The following CD96 variants were observed in gnomAD, a reference collection of about 807,000 sequenced individuals.
The protein encoded by CD96 is T-cell surface protein tactile.
Under a neutral mutation model 71.3 loss-of-function variants are expected in CD96, and 70 were observed. The ratio of observed to expected loss-of-function variants is 0.98; its 90% CI spans 0.81 to 1.20. The LOEUF is 1.20. CD96 is among the 50% of genes most tolerant of loss of function. The probability of loss-of-function intolerance (pLI) is 0.00; values close to 1 mark genes in which losing one functional copy is unlikely to be tolerated. For synonymous variants in CD96, 248 were observed against 233.0 expected, an observed-to-expected ratio of 1.06 and a Z score of -0.59; for missense variants, 742 against 677.5, an observed-to-expected ratio of 1.10 and a Z score of -1.06.
At chr3:111,582,513 T>G (rs1291069659) in intron 4 of CD96, among the ~76,000 whole-genome samples, 1 of 152,172 alleles carries the variant, frequency 6.6e-6, no homozygotes, top group East Asian at 1.9e-4. Context: ...AAGAATCAAA[T>G]GTTTCTCTGC....
At chr3:111,547,532 A>G (rs1339271179) in intron 2 of CD96, among the ~76,000 whole-genome samples, 2 of 152,228 alleles carry the variant, frequency 1.3e-5, no homozygotes, top group Non-Finnish European at 1.5e-5. Flanking sequence ...AGGAAATAGA[A>G]TAAGTGATGC....
chr3:111,567,487 A>T (rs1312606721), intron 2 of CD96, 36 bp from the exon 3 acceptor site: 1 of 1,580,286 alleles, frequency 6.3e-7, no homozygotes, highest in East Asian at 2.2e-5. Context: ...AACCAATCAG[A>T]GATTCACATA....
At chr3:111,620,025 C>G (rs895963939) in intron 8 of CD96, among the ~76,000 whole-genome samples, 1 of 152,194 alleles carries the variant, frequency 6.6e-6, no homozygotes, top group Non-Finnish European at 1.5e-5. Flanking sequence ...CTGGAATGGA[C>G]AGGTGCCAGA....
intron 10 of CD96, among the ~76,000 whole-genome samples, chr3:111,627,449 C>T (rs112528213): frequency 6.6e-6 from 1 of 152,184 alleles, no homozygotes; most frequent in Non-Finnish European, 1.5e-5. Flanking sequence ...GAGGGTCCTC[C>T]CAGCCAGGGC....
chr3:111,635,451 A>G (rs1276721414), intron 10 of CD96, among the ~76,000 whole-genome samples: 5 of 152,240 alleles, frequency 3.3e-5, no homozygotes, highest in African/African-American at 1.2e-4. Context: ...GTAGAAGTCC[A>G]AAAAGAAGTT....
At chr3:111,648,458 G>C (rs1375641918) in intron 13 of CD96, among the ~76,000 whole-genome samples, 1 of 152,162 alleles carries the variant, frequency 6.6e-6, no homozygotes, top group Non-Finnish European at 1.5e-5. Context: ...CCAGTAGTTA[G>C]AAATTCTGGA....
intron 3 of CD96, among the ~76,000 whole-genome samples, chr3:111,572,480 C>T (rs1936029473): frequency 6.6e-6 from 1 of 152,166 alleles, no homozygotes; most frequent in Admixed American, 6.5e-5. Context: ...CACAAATATT[C>T]CAGCCAATCC....
intron 5 of CD96, chr3:111,594,338 C>CATT: frequency 3.6e-6 from 4 of 1,096,050 alleles, no homozygotes; most frequent in Non-Finnish European, 5.2e-6. Context: ...AAAGTCTGGC[C>CATT]ACACCTGGGT....
chr3:111,567,088 T>C (rs907632725), intron 2 of CD96, among the ~76,000 whole-genome samples: 2 of 152,126 alleles, frequency 1.3e-5, no homozygotes, highest in African/African-American at 2.4e-5. Flanking sequence ...GTAGTAGATA[T>C]ACTGGGAACT....
At chr3:111,613,030 G>T (rs887649887) in intron 8 of CD96, among the ~76,000 whole-genome samples, 1 of 151,850 alleles carries the variant, frequency 6.6e-6, no homozygotes, top group Non-Finnish European at 1.5e-5. Context: ...TCTGTTTATT[G>T]TATCTTTTTC....
chr3:111,636,766 A>G (rs1261152591), intron 10 of CD96, among the ~76,000 whole-genome samples: 1 of 152,226 alleles, frequency 6.6e-6, no homozygotes, highest in Non-Finnish European at 1.5e-5. Context: ...CCACAAGTAC[A>G]AAGTGTTTTC....
At chr3:111,549,152 C>T (rs558880107) in intron 2 of CD96, among the ~76,000 whole-genome samples, 1 of 151,974 alleles carries the variant, frequency 6.6e-6, no homozygotes, top group South Asian at 2.1e-4. Context: ...CCTCTCTTCT[C>T]CCCTCCCCTC....
chr3:111,653,091 G>T (rs1037855233), downstream of CD96, among the ~76,000 whole-genome samples: 2 of 152,096 alleles, frequency 1.3e-5, no homozygotes, highest in Non-Finnish European at 2.9e-5. Flanking sequence ...TTTTGCAATG[G>T]AATATCATGG....
At chr3:111,566,867 A>C (rs1487325458) in intron 2 of CD96, among the ~76,000 whole-genome samples, 1 of 152,190 alleles carries the variant, frequency 6.6e-6, no homozygotes, top group African/African-American at 2.4e-5. Context: ...ATTTTAGGGC[A>C]GGAAAACTAT....
chr3:111,629,704 G>A (rs919881337), intron 10 of CD96, among the ~76,000 whole-genome samples: 1 of 152,114 alleles, frequency 6.6e-6, no homozygotes, highest in East Asian at 1.9e-4. Flanking sequence ...AAAAACAACA[G>A]AATATATACA....
chr3:111,559,069 T>C (rs1012501404), intron 2 of CD96, among the ~76,000 whole-genome samples: 1 of 152,056 alleles, frequency 6.6e-6, no homozygotes, highest in African/African-American at 2.4e-5. Context: ...TTTATCATTT[T>C]TTATTGTGTC....
chr3:111,665,172 AGT>A (rs3082291), intron 14 of CD96, among the ~76,000 whole-genome samples: 2,361 of 149,062 alleles, frequency 0.016, 65 homozygotes, highest in African/African-American at 0.05. Flanking sequence ...AGATGGAATA[AGT>A]GTGTGTGTGT....
rs6763322 is a variant in CD96, at chr3:111,651,345, G to T, written c.*1539G>T. ...GTGTAACCTGAGGCCAGGATTAAGGGGAGGCAATCAATGCACCTAGGGAAA... is the reference window on the plus strand; with the variant it reads ...GTGTAACCTGAGGCCAGGATTAAGGTGAGGCAATCAATGCACCTAGGGAAA... On this transcript the variant is annotated 3_prime_UTR_variant, in exon 14 of 14. Coordinates refer to ENST00000352690, the MANE Select transcript of CD96 (RefSeq NM_005816.5). 39,320 of 152,164 alleles carry T rather than the reference G, an allele frequency of 0.26. 6,047 individuals are homozygous for T. The highest frequency in any genetic ancestry group is 0.44 in the African/African-American group (18,098 of 41,464). The allele number at this position is 152,164 out of a possible 1,614,324, so 9.4% of individuals were successfully genotyped here.
intron 2 of CD96, among the ~76,000 whole-genome samples, chr3:111,560,307 T>G (rs1382824712): frequency 6.6e-6 from 1 of 152,136 alleles, no homozygotes; most frequent in Non-Finnish European, 1.5e-5. Context: ...CTAGTCTCGA[T>G]GGTCTTTACA....
Sources: gnomAD v4.1 joint callset for allele counts (sites outside exome capture counted in the v4.1 genomes callset) on GRCh38, gnomAD v4.1.1 for gene constraint, MANE v1.5 for transcripts, NCBI Gene and HGNC (gene_info 2026-07-23, HGNC 2026-07-21) for gene names.